IQSEC1: variants seen among roughly 807,000 people sequenced by gnomAD.
IQSEC1 encodes the protein IQ motif and SEC7 domain-containing protein 1.
IQSEC1 carries 31 observed loss-of-function variants against 91.0 expected under a neutral mutation model. That is an observed-to-expected ratio of 0.34 (90% CI 0.26 to 0.46). The LOEUF is 0.46. Ranked by LOEUF, IQSEC1 falls within the 20% of genes least tolerant of loss-of-function variation. IQSEC1 has a pLI of 1.00. For missense variants in IQSEC1, 1,388 were observed against 1,575.6 expected (o/e 0.88, Z 2.02); for synonymous variants, 699 against 662.6 (o/e 1.05, Z -0.84).
chr3:13,051,640 C>G (rs574267929), intron 1 of IQSEC1, among the ~76,000 whole-genome samples: 59 of 152,268 alleles, frequency 3.9e-4, no homozygotes, highest in African/African-American at 1.3e-3. Context: ...AAAACCAAAC[C>G]GTCTGCCTCA....
At chr3:13,063,060 A>C (rs1268299893) in intron 1 of IQSEC1, among the ~76,000 whole-genome samples, 1 of 152,224 alleles carries the variant, frequency 6.6e-6, no homozygotes, top group Non-Finnish European at 1.5e-5. Flanking sequence ...TGATATCCCA[A>C]GCTCATGCTC....
At chr3:13,055,119 G>A (rs1704828336) in intron 1 of IQSEC1, among the ~76,000 whole-genome samples, 1 of 152,208 alleles carries the variant, frequency 6.6e-6, no homozygotes, top group South Asian at 2.1e-4. Context: ...CCCCACCACT[G>A]GGCACAGTGC....
In IQSEC1 at chr3:12,900,318, G is replaced by C; in HGVS notation, c.*665C>G. 2 of 984,680 alleles carry C rather than the reference G, an allele frequency of 2.0e-6. No homozygotes were observed. The highest frequency in any genetic ancestry group is 2.4e-6 in the Non-Finnish European group (2 of 829,442). The allele number at this position is 984,680 out of a possible 1,614,324, so 61.0% of individuals were successfully genotyped here. On this transcript the variant is annotated 3_prime_UTR_variant, in exon 14 of 14. Coordinates refer to ENST00000613206, the MANE Select transcript of IQSEC1 (RefSeq NM_001134382.3). ...TATCTGAATTTGTTCCTAGCATTTA[G>C]GGTTTGGTCTATTGTCTCACACACC...
At chr3:13,220,762 C>T (rs1011084551) in intron 1 of IQSEC1, among the ~76,000 whole-genome samples, 10 of 152,206 alleles carry the variant, frequency 6.6e-5, no homozygotes, top group Non-Finnish European at 1.3e-4. Flanking sequence ...AGGGCGATGC[C>T]GCCTGGACAC....
rs1257998149 is a variant in IQSEC1 at position 12,936,697 on chromosome 3, C to T, written c.319G>A (p.Val107Met). 1.3e-6 allele frequency: 2 copies of T among 1,567,356 alleles called. No homozygotes were observed. Among genetic ancestry groups the T allele is most frequent in the South Asian group, 1.2e-5 (1 of 86,408 alleles). ...CCATACTTTCGTTCTAGCATCTCCA[C>T]CTGCGGGTGGGAGAGGAGAATGAGA... ...ELSSDLQDKQ[V>M]EMLERKYGGR... is the part of the protein sequence containing the mutation. The change falls in exon 3 of 14, where the codon GTG (valine) becomes ATG (methionine). Residue 107 changes from valine to methionine, a missense_variant and splice_region_variant. By Grantham distance (21) the Val-to-Met change is conservative. This residue lies in a region of IQSEC1 where 1,059 missense variants were observed against 1,317.8 expected (regional missense o/e 0.80). Coordinates refer to ENST00000613206, the MANE Select transcript of IQSEC1 (RefSeq NM_001134382.3).
intron 1 of IQSEC1, among the ~76,000 whole-genome samples, chr3:13,195,529 A>G (rs1373794343): frequency 6.6e-6 from 1 of 152,272 alleles, no homozygotes; most frequent in Non-Finnish European, 1.5e-5. Context: ...ATGGAACACT[A>G]TTCGGCAATC....
At chr3:13,091,171 C>T (rs1284772071) in intron 2 of IQSEC1, among the ~76,000 whole-genome samples, 1 of 152,198 alleles carries the variant, frequency 6.6e-6, no homozygotes, top group Non-Finnish European at 1.5e-5. Context: ...CCACCTCTGT[C>T]CTGCACTCCC....
At chr3:13,015,570 G>A (rs1559720501) in intron 1 of IQSEC1, 1 of 985,232 alleles carries the variant, frequency 1.0e-6, no homozygotes, top group Non-Finnish European at 1.2e-6. Flanking sequence ...CAGGTGGGTG[G>A]TACTCACAGT....
At chr3:13,099,403 GA>G (rs1706020606) in intron 2 of IQSEC1, among the ~76,000 whole-genome samples, 1 of 152,204 alleles carries the variant, frequency 6.6e-6, no homozygotes, top group Non-Finnish European at 1.5e-5. Context: ...AAGCTGGTAG[GA>G]AAAATGGTTT....
chr3:13,111,187 T>TA (rs1214095148), intron 2 of IQSEC1, among the ~76,000 whole-genome samples: 44 of 152,154 alleles, frequency 2.9e-4, no homozygotes, highest in African/African-American at 9.9e-4. Context: ...TGTCCTGACT[T>TA]ACGTTTTCTG....
intron 3 of IQSEC1, among the ~76,000 whole-genome samples, chr3:12,934,955 A>G (rs576097258): frequency 6.7e-6 from 1 of 149,730 alleles, no homozygotes; most frequent in East Asian, 2.0e-4. Context: ...GAGCACTCCT[A>G]CCCCCAGACA....
At position 12,899,151 on chromosome 3, in the gene IQSEC1, A is replaced by G. The variant is rs1693951548; in HGVS notation, c.*1832T>C. 3 of 561,486 alleles carry G rather than the reference A, an allele frequency of 5.3e-6. No homozygotes were observed. In the South Asian group the frequency reaches 6.7e-5, roughly 13 times the overall value. The allele number at this position is 561,486 out of a possible 1,614,324, so 34.8% of individuals were successfully genotyped here. A position where few individuals can be genotyped will look rare whatever the true frequency, so the allele number is the denominator to read the frequency against. On this transcript the variant is annotated 3_prime_UTR_variant, in exon 14 of 14. Transcript: ENST00000613206. Reference sequence around the variant, plus strand: ...TTGCTGGTACGGTGATCTCAATGATATGACCGAGGGTGGGAGGGATGTGAG... The same window carrying G: ...TTGCTGGTACGGTGATCTCAATGATGTGACCGAGGGTGGGAGGGATGTGAG...
At chr3:13,005,835 T>C (rs1702613507) in intron 1 of IQSEC1, among the ~76,000 whole-genome samples, 1 of 152,072 alleles carries the variant, frequency 6.6e-6, no homozygotes, top group Non-Finnish European at 1.5e-5. Flanking sequence ...GGGTCCCCCT[T>C]GCAGAGCAAA....
chr3:13,093,375 G>A (rs1705899589), intron 2 of IQSEC1, among the ~76,000 whole-genome samples: 1 of 152,038 alleles, frequency 6.6e-6, no homozygotes, highest in Non-Finnish European at 1.5e-5. Flanking sequence ...TGCCATCTGA[G>A]CCCCAGCACC....
In IQSEC1 at chr3:13,103,345, C is replaced by T. The variant is rs1706095195; in HGVS notation, c.303-55823G>A. 6.6e-6 allele frequency among the ~76,000 whole-genome samples: 1 copy of T among 152,126 alleles called. No individual in the cohort carries two copies. The highest frequency in any genetic ancestry group is 1.5e-5 in the Non-Finnish European group (1 of 68,032). ...CTTTTTAATTAACCGCCCCCGCCAA[C>T]ACACCCGAGGCACCAATAGATCACC... is the stretch of plus-strand genomic sequence containing the variant. On this transcript the variant is annotated intron_variant, in intron 2 of 15. Coordinates refer to the IQSEC1 transcript ENST00000648114. The surrounding 1 kb of genome is among the most constrained non-coding windows in gnomAD (Gnocchi z 4.1).
rs463268 is a variant in IQSEC1 at position 13,072,908 on chromosome 3, A to G, written c.23+84T>C. ...CTGCACATCCACCTGCCCCTCCCCCAACGATGCCCCTCACTCCAGCTCCCA... is the reference window on the plus strand; with the variant it reads ...CTGCACATCCACCTGCCCCTCCCCCGACGATGCCCCTCACTCCAGCTCCCA... On this transcript the variant is annotated intron_variant, in intron 1 of 13. Coordinates refer to ENST00000613206, the MANE Select transcript of IQSEC1 (RefSeq NM_001134382.3). 15 of 1,267,248 alleles carry G rather than the reference A, an allele frequency of 1.2e-5. No homozygotes were observed. In the African/African-American group the frequency reaches 2.1e-4, roughly 18 times the overall value. The allele number at this position is 1,267,248 out of a possible 1,614,324, so 78.5% of individuals were successfully genotyped here.
intron 1 of IQSEC1, 87 bp downstream of exon 1, chr3:13,072,905 C>A (rs368078295): frequency 5.1e-5 from 63 of 1,227,904 alleles, no homozygotes; most frequent in Middle Eastern, 3.8e-4. Context: ...CTGCCCCTCC[C>A]CCAACGATGC....
Position 13,052,842 on chromosome 3 carries a change from A to C in IQSEC1, c.23+20150T>G, listed in dbSNP as rs1047676812. ...ACGCGTTCATAACATATTCAGAGAG[A>C]AAAATATATTCCCAATAAAACATGT... On this transcript the variant is annotated intron_variant, in intron 1 of 13. Transcript: ENST00000613206. 4.6e-6 allele frequency: 3 copies of C among 648,448 alleles called. No homozygotes were observed. The African/African-American group carries it at 5.4e-5, about 12-fold the overall frequency. 40.2% of individuals were successfully genotyped at this position (648,448 alleles called of 1,614,324 possible). A position where few individuals can be genotyped will look rare whatever the true frequency, so the allele number is the denominator to read the frequency against.
intron 2 of IQSEC1, among the ~76,000 whole-genome samples, chr3:13,117,488 A>G (rs1363317715): frequency 1.4e-5 from 2 of 143,190 alleles, no homozygotes; most frequent in African/African-American, 5.2e-5. Context: ...GGGGAATCGC[A>G]TGAACCCGGG....
Sources: gnomAD v4.1 joint callset for allele counts (sites outside exome capture counted in the v4.1 genomes callset) on GRCh38, gnomAD v4.1.1 for gene constraint, gnomAD v4.1.1 regional missense constraint, Gnocchi (gnomAD v3.1) non-coding constraint, MANE v1.5 for transcripts, NCBI Gene and HGNC (gene_info 2026-07-23, HGNC 2026-07-21) for gene names.